Variants in SERHL2 observed in about 807,000 individuals in gnomAD.
SERHL2 encodes serine hydrolase-like protein 2.
SERHL2 carries 29 observed loss-of-function variants against 25.5 expected under a neutral mutation model. The ratio of observed to expected loss-of-function variants is 1.14; its 90% CI spans 0.85 to 1.55. The LOEUF (loss-of-function observed/expected upper bound fraction) is 1.55, where lower values mean the gene tolerates loss of function less well. Ranked by LOEUF, SERHL2 falls within the 40% of genes most tolerant of loss-of-function variation. The pLI is 0.00. For synonymous variants in SERHL2, 95 were observed against 103.5 expected, an observed-to-expected ratio of 0.92 and a Z score of 0.50; for missense variants, 240 against 252.3, an observed-to-expected ratio of 0.95 and a Z score of 0.33.
Position 42,574,050 on chromosome 22 carries a change from C to G in SERHL2, c.940C>G (p.Leu314Val), listed in dbSNP as rs775775458. The change falls in exon 12 of 12, where the codon CTG becomes GTG. Residue 314 changes from leucine (L) to valine (V), a missense_variant. Around this residue, in one of 4 missense-constraint regions of SERHL2, gnomAD observed 212 missense variants for 168.9 expected, o/e 1.25. Coordinates refer to ENST00000327678, the MANE Select transcript of SERHL2 (RefSeq NM_014509.5). Reference sequence around the variant, plus strand: ...GTGCACACACATGCTCCCAGCCCAGCTGTAGCTCTGGGCCTGGAACTATGA... The same window carrying G: ...GTGCACACACATGCTCCCAGCCCAGGTGTAGCTCTGGGCCTGGAACTATGA... ...LQCTHMLPAQL is the reference protein window; with the variant it reads ...LQCTHMLPAQV 43 of 1,612,418 alleles carry G rather than the reference C, an allele frequency of 2.7e-5. 1 individual carries two copies. Among genetic ancestry groups the G allele is most frequent in the Admixed American group, 1.7e-4 (10 of 59,958 alleles).
At chr22:42,566,433 C>A (rs1338269769) in intron 9 of SERHL2, 95 bp downstream of exon 9, 3 of 1,243,526 alleles carry the variant, frequency 2.4e-6, no homozygotes, top group Admixed American at 3.5e-5. Context: ...TGGCTCACGC[C>A]TGTAATCCCA....
rs113416470 is a variant in SERHL2 at position 42,566,323 on chromosome 22, C to A, written c.633C>A (p.Asp211Glu). 1.2e-6 allele frequency: 2 copies of A among 1,612,024 alleles called. No homozygotes were observed. Among genetic ancestry groups the A allele is most frequent in the African/African-American group, 1.3e-5 (1 of 74,896 alleles). The stretch of plus-strand genomic sequence containing the variant: ...CTCCAGGTCTGGTTCTGAACAGAGA[C>A]CAGAGGCTCGCCTGGGTGAGTACCA... ...KVATGLVLNR[D>E]QRLAWAENSI... is the part of the protein sequence containing the mutation. Residue 211 changes from aspartate (D) to glutamate (E), a missense_variant, in exon 9 of 12, where the codon GAC (aspartate) becomes GAA (glutamate). Transcript: ENST00000327678.
At chr22:42,572,839 ATT>A (rs201573067) in intron 11 of SERHL2, 11,596 of 451,678 alleles carry the variant, frequency 0.026, 195 homozygotes, top group Middle Eastern at 0.045. Flanking sequence ...TAATTTTTAT[ATT>A]TTATATTTTT....
intron 5 of SERHL2, 111 bp from the exon 6 acceptor site, chr22:42,556,403 C>T (rs1657429653): frequency 1.1e-6 from 1 of 899,546 alleles, no homozygotes; most frequent in Non-Finnish European, 1.7e-6. Context: ...TGGTCAGCAC[C>T]CTCCCCCCAG....
intron 11 of SERHL2, chr22:42,573,124 G>A (rs137051): frequency 0.47 from 71,635 of 151,602 alleles, 20,180 homozygotes; most frequent in African/African-American, 0.76. Flanking sequence ...TCACCTACCC[G>A]GGAACACTGA....
At chr22:42,562,290 T>C (rs934470066) in intron 8 of SERHL2, among the ~76,000 whole-genome samples, 5 of 151,804 alleles carry the variant, frequency 3.3e-5, no homozygotes, top group South Asian at 4.1e-4. Context: ...TGGGATAACT[T>C]CCCTTCCCTG....
chr22:42,565,868 T>C (rs1923308710), intron 8 of SERHL2, among the ~76,000 whole-genome samples: 1 of 151,832 alleles, frequency 6.6e-6, no homozygotes, highest in South Asian at 2.1e-4. Context: ...TTGTTTGATT[T>C]TTTGAGACAG....
chr22:42,574,054 A>G lies in SERHL2; in HGVS notation c.944A>G (p.Ter315TrpextTer19). 6.2e-7 allele frequency: 1 copy of G among 1,612,524 alleles called. No homozygotes were observed. The highest frequency in any genetic ancestry group is 8.5e-7 in the Non-Finnish European group (1 of 1,179,016). ...QCTHMLPAQL[*>W] ...ACACACATGCTCCCAGCCCAGCTGT[A>G]GCTCTGGGCCTGGAACTATGAAGAC... The change falls in exon 12 of 12, where the codon TAG becomes TGG. Residue 315 changes from the stop codon to tryptophan (W), a stop_lost. Transcript: ENST00000327678.
intron 8 of SERHL2, among the ~76,000 whole-genome samples, chr22:42,560,693 A>G (rs1047689973): frequency 3.3e-5 from 5 of 151,854 alleles, no homozygotes; most frequent in African/African-American, 1.2e-4. Context: ...TTCTGGCACA[A>G]GCGATTTGTG....
chr22:42,573,862 C>G lies in SERHL2; in HGVS notation c.826-74C>G, dbSNP rs527370144. ...GGGAGCTGGAATGCTGTGGGAGGGC[C>G]CTGACCCCGGGGCCCATGGAGCTCC... On this transcript the variant is annotated intron_variant, in intron 11 of 11. Transcript: ENST00000327678. The G allele has an allele frequency of 5.7e-5, 84 of 1,479,116 alleles. 1 individual carries two copies. The East Asian group carries it at 8.9e-4, about 16-fold the overall frequency. 91.6% of individuals were successfully genotyped at this position (1,479,116 alleles called of 1,614,324 possible).
In SERHL2 at chr22:42,555,917, TC is replaced by T. The variant is rs1372179155; in HGVS notation, c.329-146del. 3 of 290,594 alleles carry T rather than the reference TC, an allele frequency of 1.0e-5. No homozygotes were observed. In the African/African-American group the frequency reaches 3.6e-4, roughly 34 times the overall value. The allele number at this position is 290,594 out of a possible 1,614,324, so 18.0% of individuals were successfully genotyped here. A position where few individuals can be genotyped will look rare whatever the true frequency, so the allele number is the denominator to read the frequency against. On this transcript the variant is annotated intron_variant, in intron 4 of 11. Transcript: ENST00000327678. ...AAATGTGGTCTTTTGAGTGGTCAGG[TC>T]TGATGAAGGGGACATCATGGCCCAG...
rs750950002 is a variant in SERHL2 at position 42,554,044 on chromosome 22, T to C, written c.22+2T>C. 1.2e-6 allele frequency: 2 copies of C among 1,613,458 alleles called. No individual in the cohort carries two copies. Among genetic ancestry groups the C allele is most frequent in the Non-Finnish European group, 1.7e-6 (2 of 1,179,700 alleles). On this transcript the variant is annotated splice_donor_variant, in intron 1 of 11. Coordinates refer to ENST00000327678, the MANE Select transcript of SERHL2 (RefSeq NM_014509.5). LOFTEE classifies it high-confidence loss of function. ...CGATGAGTGAGAACGCCGCACCAGG[T>C]CTGACGGGGAGGCCTTGTGCGAGCG...
At chr22:42,555,399 CCT>C in intron 3 of SERHL2, 54 bp downstream of exon 3, 1 of 147,034 alleles carries the variant, frequency 6.8e-6, no homozygotes, top group African/African-American at 2.3e-4. Flanking sequence ...TAGGGCACCC[CCT>C]CTTATCACTG....
At chr22:42,556,686 C>G in intron 6 of SERHL2, 98 bp downstream of exon 6, 1 of 1,103,378 alleles carries the variant, frequency 9.1e-7, no homozygotes. Flanking sequence ...TAGGGAAGCA[C>G]GAGGAGGCGG....
rs1432131478 is a variant in SERHL2, at chr22:42,560,229, C to G, written c.577C>G (p.Leu193Val). Residue 193 changes from leucine (L) to valine (V), a missense_variant, in exon 8 of 12, where the codon CTT becomes GTT. This residue lies in a region of SERHL2 where 212 missense variants were observed against 168.9 expected (regional missense o/e 1.25). Coordinates refer to ENST00000327678, the MANE Select transcript of SERHL2 (RefSeq NM_014509.5). ...NSHLSEECGE[L>V]LLQRGTTKVA... is the part of the protein sequence containing the mutation. The stretch of plus-strand genomic sequence containing the variant: ...CCACTTGAGTGAGGAGTGCGGGGAG[C>G]TTCTCCTGCAAAGAGGAACCACGAA... 1 of 1,613,034 alleles carries G rather than the reference C, an allele frequency of 6.2e-7. No individual in the cohort carries two copies. The highest frequency in any genetic ancestry group is 1.7e-5 in the Admixed American group (1 of 60,008).
rs968028706 is a variant in SERHL2 at position 42,574,331 on chromosome 22, G to A, written c.*276G>A. On this transcript the variant is annotated 3_prime_UTR_variant, in exon 12 of 12. Coordinates refer to ENST00000327678, the MANE Select transcript of SERHL2 (RefSeq NM_014509.5). ...AGGAAGGGCAGGCTGGGCCCACCTA[G>A]CCTTTCCCTGCTGCCCAACTGGATG... The A allele has an allele frequency of 1.9e-6, 1 of 529,328 alleles. No homozygotes were observed. The allele number at this position is 529,328 out of a possible 1,614,324, so 32.8% of individuals were successfully genotyped here. A position where few individuals can be genotyped will look rare whatever the true frequency, so the allele number is the denominator to read the frequency against.
At chr22:42,569,361 C>G (rs545855522) in intron 9 of SERHL2, 1 of 151,550 alleles carries the variant, frequency 6.6e-6, no homozygotes, top group Non-Finnish European at 1.5e-5. Flanking sequence ...CGGGTTCAAG[C>G]AATTCTCCTG....
At chr22:42,569,646 A>T (rs1278021296) in intron 9 of SERHL2, 1 of 151,888 alleles carries the variant, frequency 6.6e-6, no homozygotes, top group African/African-American at 2.4e-5. Context: ...AGGCCCAAAA[A>T]GCTTGGTCAC....
intron 8 of SERHL2, among the ~76,000 whole-genome samples, chr22:42,564,269 G>A (rs1249192310): frequency 2.6e-5 from 4 of 151,388 alleles, no homozygotes; most frequent in African/African-American, 9.7e-5. Context: ...GGCTCCTCAG[G>A]TGCCTAATGC....
Sources: gnomAD v4.1 joint callset for allele counts (sites outside exome capture counted in the v4.1 genomes callset) on GRCh38, gnomAD v4.1.1 for gene constraint, gnomAD v4.1.1 regional missense constraint, MANE v1.5 for transcripts, NCBI Gene and HGNC (gene_info 2026-07-23, HGNC 2026-07-21) for gene names.